EEF2: variants seen among roughly 807,000 people sequenced by gnomAD.
EEF2 encodes elongation factor 2.
Under a neutral mutation model 85.3 loss-of-function variants are expected in EEF2, and 21 were observed. That is an observed-to-expected ratio of 0.25 (90% CI 0.17 to 0.35). The LOEUF (loss-of-function observed/expected upper bound fraction) is 0.35. Among genes scored for constraint, EEF2 ranks in the 10% least tolerant of loss-of-function variants. The pLI is 1.00. For missense variants in EEF2, 825 were observed against 1,225.3 expected (o/e 0.67, Z 4.88); for synonymous variants, 723 against 508.8 (o/e 1.42, Z -5.67).
chr19:3,980,804 G>A (rs771110585), intron 8 of EEF2, 37 bp downstream of exon 8: 22 of 1,584,766 alleles, frequency 1.4e-5, no homozygotes, highest in African/African-American at 1.1e-4. Flanking sequence ...GAAGTCATCC[G>A]GCTGCATCTC....
At chr19:3,979,191 A>C (rs1389741034) in intron 11 of EEF2, 138 bp downstream of exon 11, 18 of 645,380 alleles carry the variant, frequency 2.8e-5, no homozygotes, top group Non-Finnish European at 5.4e-6. Context: ...GCAAAGAAGA[A>C]ACTTGAGGAA....
At chr19:3,982,560 A>G (rs546298312) in intron 4 of EEF2, 136 bp from the exon 5 acceptor site, 2 of 1,250,576 alleles carry the variant, frequency 1.6e-6, no homozygotes, top group Non-Finnish European at 2.3e-6. Context: ...AGAAATGATC[A>G]GTCATCACGA....
Position 3,984,117 on chromosome 19 carries a change from G to C in EEF2, c.218+19C>G. 6.2e-7 allele frequency: 1 copy of C among 1,611,594 alleles called. No homozygotes were observed. The highest frequency in any genetic ancestry group is 8.5e-7 in the Non-Finnish European group (1 of 1,178,364). ...GCCAGCACCTCCCTGCCTGGGTACA[G>C]AGGGCACAGGGAGCTCACGTTGACT... On this transcript the variant is annotated intron_variant, in intron 2 of 14. Transcript: ENST00000309311.
rs749562588 is a variant in EEF2, at chr19:3,980,076, G to A, written c.1347-10C>T. ...CATCATCAAGATTGTTCTGGAAGAA[G>A]CAGAAGGCGGCAGCAGGCCGCAGGG... is the stretch of plus-strand genomic sequence containing the variant. On this transcript the variant is annotated splice_polypyrimidine_tract_variant and intron_variant, in intron 9 of 14. Coordinates refer to ENST00000309311, the MANE Select transcript of EEF2 (RefSeq NM_001961.4). The A allele has an allele frequency of 4.4e-6, 7 of 1,608,750 alleles. No individual in the cohort carries two copies. In the South Asian group the frequency reaches 5.5e-5, roughly 13 times the overall value.
rs2039734369 is a variant in EEF2 at position 3,980,644 on chromosome 19, CGGA to C, written c.1213_1215del (p.Ser405del). On this transcript the variant is annotated inframe_deletion, in exon 9 of 15. Coordinates refer to ENST00000309311, the MANE Select transcript of EEF2 (RefSeq NM_001961.4). The stretch of plus-strand genomic sequence containing the variant: ...CCAAAGGCGTAGAACCGACCTTTGT[CGGA>C]GGTTGGCACCATTTTGGAAATATAC... 1.2e-6 allele frequency: 2 copies of C among 1,614,070 alleles called. No homozygotes were observed. Among genetic ancestry groups the C allele is most frequent in the Admixed American group, 3.3e-5 (2 of 60,012 alleles).
At position 3,982,371 on chromosome 19, in the gene EEF2, G is replaced by T. The variant is rs959643292; in HGVS notation, c.666C>A (p.Ala222=). ...VGFGSGLHGW[A]FTLKQFAEMY... ...TCTCGGCAAACTGCTTCAGGGTGAA[G>T]GCCCACCCGTGGAGGCCAGACCCAA... Residue 222 remains alanine (A), a synonymous_variant, in exon 5 of 15, where the codon GCC becomes GCA. Coordinates refer to ENST00000309311, the MANE Select transcript of EEF2 (RefSeq NM_001961.4). 1 of 1,614,026 alleles carries T rather than the reference G, an allele frequency of 6.2e-7. No homozygotes were observed. The highest frequency in any genetic ancestry group is 1.3e-5 in the African/African-American group (1 of 74,930).
rs1277068635 is a variant in EEF2, at chr19:3,976,746, G to A, written c.2385C>T (p.Gly795=). 5.1e-6 allele frequency: 8 copies of A among 1,565,214 alleles called. No individual in the cohort carries two copies. The African/African-American group carries it at 6.8e-5, about 13-fold the overall frequency. ...KAYLPVNESF[G]FTADLRSNTG... is the part of the protein sequence containing the mutation. ...TGTTGGACCTCAGGTCAGCGGTGAA[G>A]CCTGCAGAGGGAAGCGAGAGGCTCA... Residue 795 remains glycine (G), a splice_region_variant and synonymous_variant, in exon 15 of 15, where the codon GGC becomes GGT. Transcript: ENST00000309311.
At position 3,976,508 on chromosome 19, in the gene EEF2, G is replaced by T. The variant is rs370668605; in HGVS notation, c.*46C>A. The stretch of plus-strand genomic sequence containing the variant: ...TGAGAATTCGAGGACGTGGTGCTGT[G>T]GGTGCTGCGAGTCCCCGGGGCGGCA... On this transcript the variant is annotated 3_prime_UTR_variant, in exon 15 of 15. Transcript: ENST00000309311. 1 of 1,558,362 alleles carries T rather than the reference G, an allele frequency of 6.4e-7. No individual in the cohort carries two copies. Among genetic ancestry groups the T allele is most frequent in the Non-Finnish European group, 8.7e-7 (1 of 1,151,658 alleles).
In EEF2 at chr19:3,976,397, T is replaced by G; in HGVS notation, c.*157A>C. On this transcript the variant is annotated 3_prime_UTR_variant, in exon 15 of 15. Coordinates refer to ENST00000309311, the MANE Select transcript of EEF2 (RefSeq NM_001961.4). Reference sequence around the variant, plus strand: ...AAATATTGAAAGAAACGGCATCAAGTGTTATGGTTGAGTGATGGCACGCAG... The same window carrying G: ...AAATATTGAAAGAAACGGCATCAAGGGTTATGGTTGAGTGATGGCACGCAG... 4.2e-6 allele frequency: 3 copies of G among 710,534 alleles called. No homozygotes were observed. Among genetic ancestry groups the G allele is most frequent in the Admixed American group, 3.0e-5 (1 of 33,698 alleles). 44.0% of individuals were successfully genotyped at this position (710,534 alleles called of 1,614,324 possible). A position where few individuals can be genotyped will look rare whatever the true frequency, so the allele number is the denominator to read the frequency against.
chr19:3,983,310 C>CCT lies in EEF2; in HGVS notation c.219-20_219-19insAG, dbSNP rs1423985810. The CCT allele has an allele frequency of 6.2e-7, 1 of 1,608,504 alleles. No homozygotes were observed. The highest frequency in any genetic ancestry group is 1.3e-5 in the African/African-American group (1 of 74,744). On this transcript the variant is annotated intron_variant, in intron 2 of 14. Coordinates refer to ENST00000309311, the MANE Select transcript of EEF2 (RefSeq NM_001961.4). Reference sequence around the variant, plus strand: ...GATGGCACTGATGGAGGGAGGGACTCGTCAGGGGGACAGGAGCCACACACC... The same window carrying CCT: ...GATGGCACTGATGGAGGGAGGGACTCCTGTCAGGGGGACAGGAGCCACACACC...
Position 3,984,237 on chromosome 19 carries a change from C to G in EEF2, c.117G>C (p.Leu39=), listed in dbSNP as rs2039791613. 6.2e-7 allele frequency: 1 copy of G among 1,614,180 alleles called. No individual in the cohort carries two copies. Among genetic ancestry groups the G allele is most frequent in the Non-Finnish European group, 8.5e-7 (1 of 1,180,038 alleles). The change falls in exon 2 of 15, where the codon CTG becomes CTC. Residue 39 remains leucine (L), a synonymous_variant. Coordinates refer to ENST00000309311, the MANE Select transcript of EEF2 (RefSeq NM_001961.4). ...AGGCGATGATGCCCGCCTTGCACAC[C>G]AGGGAGTCTGTCAGCGTGGACTTGC... ...DHGKSTLTDS[L]VCKAGIIASA... is the part of the protein sequence containing the mutation.
Position 3,981,370 on chromosome 19 carries a change from T to C in EEF2, c.980A>G (p.Asp327Gly). 1 of 1,614,208 alleles carries C rather than the reference T, an allele frequency of 6.2e-7. No homozygotes were observed. The highest frequency in any genetic ancestry group is 8.5e-7 in the Non-Finnish European group (1 of 1,180,034). The part of the protein sequence containing the change: ...EKLDIKLDSE[D>G]KDKEGKPLLK... ...CAGGGGTTTGCCTTCTTTGTCCTTG[T>C]CCTCGCTGTCCAGTTTGATGTCCAG... Residue 327 changes from aspartate to glycine, a missense_variant, in exon 7 of 15, where the codon GAC becomes GGC. Asp to Gly is a moderately conservative substitution (Grantham distance 94). Coordinates refer to ENST00000309311, the MANE Select transcript of EEF2 (RefSeq NM_001961.4).
At chr19:3,983,966 G>A (rs1001339354) in intron 2 of EEF2, 170 bp downstream of exon 2, 4 of 699,186 alleles carry the variant, frequency 5.7e-6, no homozygotes, top group East Asian at 5.5e-5. Flanking sequence ...CCGAATCCCT[G>A]TGCCTCTCCA....
chr19:3,980,756 C>G (rs2039735527), intron 8 of EEF2, 47 bp from the exon 9 acceptor site: 1 of 1,600,178 alleles, frequency 6.2e-7, no homozygotes, highest in Middle Eastern at 1.7e-4. Context: ...TGCAGCTCAG[C>G]CTTCTGGAAC....
Position 3,980,061 on chromosome 19 carries a change from A to G in EEF2, c.1352T>C (p.Ile451Thr). The G allele has an allele frequency of 2.5e-6, 4 of 1,612,702 alleles. No individual in the cohort carries two copies. In the South Asian group the frequency reaches 4.4e-5, roughly 18 times the overall value. Residue 451 changes from isoleucine to threonine, a missense_variant, in exon 10 of 15, where the codon ATC becomes ACC. Transcript: ENST00000309311. ...CTCCACGTAGCGGCCCATCATCAAG[A>G]TTGTTCTGGAAGAAGCAGAAGGCGG... ...DLYLKPIQRT[I>T]LMMGRYVEPI...
rs73920319 is a variant in EEF2, at chr19:3,981,798, C to T, written c.897+149G>A. On this transcript the variant is annotated intron_variant, in intron 6 of 14. Transcript: ENST00000309311. Reference sequence around the variant, plus strand: ...AGATCTTAAGAGAGGAGCCCTGACTCCACCTCAGTTAGGAGCTGTGCCTCC... The same window carrying T: ...AGATCTTAAGAGAGGAGCCCTGACTTCACCTCAGTTAGGAGCTGTGCCTCC... The T allele has an allele frequency of 1.5e-3, 1,145 of 739,914 alleles. 12 individuals carry two copies. In the African/African-American group the frequency reaches 0.018, roughly 12 times the overall value. The allele number at this position is 739,914 out of a possible 1,614,324, so 45.8% of individuals were successfully genotyped here. A position where few individuals can be genotyped will look rare whatever the true frequency, so the allele number is the denominator to read the frequency against.
In EEF2 at chr19:3,984,467, G is replaced by A; in HGVS notation, c.4-117C>T. ...AGGCCAGGAGGGGGTTGGTGCTGGG[G>A]TGCCCCAAGCCCACCGAATCTTGCC... On this transcript the variant is annotated intron_variant, in intron 1 of 14. Transcript: ENST00000309311. 8.8e-6 allele frequency: 10 copies of A among 1,142,772 alleles called. 1 individual carries two copies. In the South Asian group the frequency reaches 1.1e-4, roughly 13 times the overall value. The allele number at this position is 1,142,772 out of a possible 1,614,324, so 70.8% of individuals were successfully genotyped here.
Position 3,980,980 on chromosome 19 carries a change from C to CT in EEF2, c.1012-2dup, listed in dbSNP as rs759454130. On this transcript the variant is annotated splice_acceptor_variant, in intron 7 of 14. Transcript: ENST00000309311. LOFTEE classifies it high-confidence loss of function. ...CAGGCAGCCAGCGGCGCATCACAGC[C>CT]TGCGGGGGCAGAGAGCGGTGCATGA... 1.1e-5 allele frequency: 17 copies of CT among 1,570,228 alleles called. No homozygotes were observed. The African/African-American group carries it at 2.3e-4, about 21-fold the overall frequency.
rs1230970076 is a variant in EEF2 at position 3,978,812 on chromosome 19, A to AT, written c.1713+516_1713+517insA. Reference sequence around the variant, plus strand: ...AGCAAGACTCTTGTCTCAAAAAAAAAAAAAAAAAAAAAAAAAAAATAGCCC... The same window carrying AT: ...AGCAAGACTCTTGTCTCAAAAAAAAATAAAAAAAAAAAAAAAAAAATAGCCC... On this transcript the variant is annotated intron_variant, in intron 11 of 14. Transcript: ENST00000309311. Among the ~76,000 whole-genome samples the AT allele has an allele frequency of 8.2e-3, 942 of 115,010 alleles. 21 individuals are homozygous for AT. Among genetic ancestry groups the AT allele is most frequent in the Middle Eastern group, 0.019 (4 of 208 alleles). The allele number at this position is 115,010 out of a possible 152,430, so 75.5% of individuals were successfully genotyped here.
Sources: allele counts gnomAD v4.1 joint callset (sites outside exome capture counted in the v4.1 genomes callset), GRCh38; gene constraint gnomAD v4.1.1; transcripts MANE v1.5; gene names NCBI Gene and HGNC (gene_info 2026-07-23, HGNC 2026-07-21).